The following SLAIN2 variants were observed in gnomAD, a reference collection of about 807,000 sequenced individuals.
SLAIN2 encodes the protein SLAIN family member 2, also known as SLAIN motif-containing protein 2.
Under a neutral mutation model 56.6 loss-of-function variants are expected in SLAIN2, and 31 were observed. The ratio of observed to expected loss-of-function variants is 0.55; its 90% CI spans 0.41 to 0.74. The LOEUF is 0.74. Ranked by LOEUF, SLAIN2 falls within the 30% of genes least tolerant of loss-of-function variation. SLAIN2 has a pLI of 0.00. For missense variants in SLAIN2, 777 were observed against 754.2 expected (o/e 1.03, Z -0.35); for synonymous variants, 317 against 284.9 (o/e 1.11, Z -1.13).
At chr4:48,378,313 T>C (rs926182628) in intron 3 of SLAIN2, among the ~76,000 whole-genome samples, 3 of 152,216 alleles carry the variant, frequency 2.0e-5, no homozygotes, top group African/African-American at 7.2e-5. Context: ...CTGGCTTAAT[T>C]AAATGGGTTA....
intron 1 of SLAIN2, among the ~76,000 whole-genome samples, chr4:48,351,587 C>T (rs1289304684): frequency 2.0e-5 from 3 of 152,162 alleles, no homozygotes; most frequent in Non-Finnish European, 4.4e-5. Flanking sequence ...ACTTGATGAG[C>T]AGGCACGGTA....
chr4:48,364,016 G>GGA (rs1453323284), intron 1 of SLAIN2, among the ~76,000 whole-genome samples: 2 of 105,310 alleles, frequency 1.9e-5, no homozygotes, highest in Non-Finnish European at 4.4e-5. Context: ...GCTGCTGGGC[G>GGA]GAGACGCTCC....
At chr4:48,361,429 C>G (rs1461955254) in intron 1 of SLAIN2, among the ~76,000 whole-genome samples, 1 of 152,124 alleles carries the variant, frequency 6.6e-6, no homozygotes, top group Admixed American at 6.5e-5. Flanking sequence ...ACAGTTAAAT[C>G]ATTGGTTAGG....
In SLAIN2 at chr4:48,383,726, C is replaced by T. The variant is rs1716030992; in HGVS notation, c.1302C>T (p.Asp434=). The T allele has an allele frequency of 1.2e-6, 2 of 1,611,846 alleles. No homozygotes were observed. Among genetic ancestry groups the T allele is most frequent in the Non-Finnish European group, 1.7e-6 (2 of 1,178,748 alleles). Residue 434 remains aspartate (D), a synonymous_variant, in exon 6 of 8, where the codon GAC becomes GAT. Coordinates refer to ENST00000264313, the MANE Select transcript of SLAIN2 (RefSeq NM_020846.2). ...ACTCAGTGAAAAGCAGCAGAAGTGA[C>T]TCAAATTTTCAAGTGCCAAACGGAG... is the stretch of plus-strand genomic sequence containing the variant. The part of the protein sequence containing the change: ...QVDSVKSSRS[D]SNFQVPNGGI...
At chr4:48,387,879 A>G (rs1351115599) in intron 6 of SLAIN2, among the ~76,000 whole-genome samples, 1 of 152,094 alleles carries the variant, frequency 6.6e-6, no homozygotes, top group African/African-American at 2.4e-5. Context: ...AATTATTATA[A>G]TAAGCTTTAT....
intron 4 of SLAIN2, 47 bp downstream of exon 4, chr4:48,379,895 A>C: frequency 7.2e-7 from 1 of 1,384,242 alleles, no homozygotes; most frequent in Non-Finnish European, 9.5e-7. Flanking sequence ...CTATTGCATA[A>C]TTTTGTTGTA....
intron 2 of SLAIN2, among the ~76,000 whole-genome samples, chr4:48,373,538 T>TG (rs746835412): frequency 7.9e-5 from 12 of 152,014 alleles, no homozygotes; most frequent in Non-Finnish European, 1.5e-4. Context: ...AGGGTGGAGG[T>TG]GGGGTACATT....
intron 6 of SLAIN2, chr4:48,387,310 A>G (rs918819456): frequency 6.6e-6 from 1 of 152,162 alleles, no homozygotes; most frequent in Admixed American, 6.5e-5. Flanking sequence ...TAGTGGTAGA[A>G]TTACCATTTT....
chr4:48,363,407 C>T (rs1475886977), intron 1 of SLAIN2, among the ~76,000 whole-genome samples: 1 of 80,346 alleles, frequency 1.2e-5, no homozygotes, highest in African/African-American at 4.0e-5. Context: ...CCCCCCCCAC[C>T]TCCCTCCCGG....
At chr4:48,403,134 C>G (rs2109778441) in intron 6 of SLAIN2, among the ~76,000 whole-genome samples, 1 of 152,368 alleles carries the variant, frequency 6.6e-6, no homozygotes, top group Admixed American at 6.5e-5. Flanking sequence ...CTGGCCCGAA[C>G]TCTCCTTTAT....
At chr4:48,344,574 T>G (rs1424745560) in intron 1 of SLAIN2, among the ~76,000 whole-genome samples, 2 of 152,212 alleles carry the variant, frequency 1.3e-5, no homozygotes, top group Non-Finnish European at 2.9e-5. Context: ...GATGCTAATG[T>G]GTTTTGAACA....
chr4:48,361,500 T>C (rs80094460), intron 1 of SLAIN2, among the ~76,000 whole-genome samples: 1,981 of 152,322 alleles, frequency 0.013, 12 homozygotes, highest in East Asian at 0.027. Context: ...AGAGGGAAAC[T>C]GGCACAGAAT....
intron 6 of SLAIN2, among the ~76,000 whole-genome samples, chr4:48,384,013 A>C (rs1186712983): frequency 6.6e-6 from 1 of 152,192 alleles, no homozygotes; most frequent in Non-Finnish European, 1.5e-5. Flanking sequence ...GTCTATACAA[A>C]ACTCTGGTCT....
At chr4:48,403,099 G>T (rs917013445) in intron 6 of SLAIN2, among the ~76,000 whole-genome samples, 1 of 152,282 alleles carries the variant, frequency 6.6e-6, no homozygotes, top group Admixed American at 6.5e-5. Flanking sequence ...TGGGAGCTCC[G>T]TCCCAGGGGG....
chr4:48,343,978 G>A (rs562369010), intron 1 of SLAIN2, among the ~76,000 whole-genome samples: 1 of 152,156 alleles, frequency 6.6e-6, no homozygotes, highest in Non-Finnish European at 1.5e-5. Flanking sequence ...TAATAATGAG[G>A]ATTAGCTGCA....
chr4:48,357,930 C>T (rs1422162273), intron 1 of SLAIN2, among the ~76,000 whole-genome samples: 4 of 152,062 alleles, frequency 2.6e-5, no homozygotes, highest in South Asian at 4.1e-4. Flanking sequence ...AACTCCTGGC[C>T]TCAAGTGACC....
chr4:48,372,760 G>A (rs1715702432), intron 2 of SLAIN2, among the ~76,000 whole-genome samples: 1 of 152,086 alleles, frequency 6.6e-6, no homozygotes, highest in African/African-American at 2.4e-5. Flanking sequence ...TGTATTCATA[G>A]AACAATAGCT....
At chr4:48,401,289 G>A (rs1334943037) in intron 6 of SLAIN2, among the ~76,000 whole-genome samples, 1 of 152,048 alleles carries the variant, frequency 6.6e-6, no homozygotes, top group Non-Finnish European at 1.5e-5. Flanking sequence ...CATCTATCAG[G>A]TCCACTTAAT....
At chr4:48,389,318 T>C (rs558961271) in intron 6 of SLAIN2, among the ~76,000 whole-genome samples, 10 of 152,308 alleles carry the variant, frequency 6.6e-5, no homozygotes, top group Non-Finnish European at 1.0e-4. Flanking sequence ...AGCATCTCAG[T>C]TGATTCTGGA....
Sources: gnomAD v4.1 joint callset for allele counts (sites outside exome capture counted in the v4.1 genomes callset) on GRCh38, gnomAD v4.1.1 for gene constraint, MANE v1.5 for transcripts, NCBI Gene and HGNC (gene_info 2026-07-23, HGNC 2026-07-21) for gene names.